Variants in ZNF362 observed in about 807,000 individuals in gnomAD.
The protein encoded by ZNF362 is rotund homolog.
ZNF362 carries 11 observed loss-of-function variants against 42.9 expected under a neutral mutation model. That is an observed-to-expected ratio of 0.26 (90% CI 0.16 to 0.42). The LOEUF is 0.42. ZNF362 is among the 20% of genes least tolerant of loss of function. The pLI, the probability that ZNF362 is intolerant of heterozygous loss-of-function variation, is 1.00. For missense variants in ZNF362, 362 were observed against 576.2 expected, an observed-to-expected ratio of 0.63 and a Z score of 3.81; for synonymous variants, 255 against 257.3, an observed-to-expected ratio of 0.99 and a Z score of 0.09.
At chr1:33,221,099 G>T in the ZNF362 span, among the ~76,000 whole-genome samples, 17 of 152,158 alleles carry the variant, frequency 1.1e-4, no homozygotes, top group African/African-American at 3.1e-4. Context: ...GGGGGGCGGG[G>T]TGCCGACCAT....
the ZNF362 span, among the ~76,000 whole-genome samples, chr1:33,138,589 G>T: frequency 1.3e-5 from 2 of 148,954 alleles, no homozygotes; most frequent in Non-Finnish European, 3.0e-5. Context: ...TCCAGTCTGG[G>T]TGACAGAGCG....
chr1:33,181,000 TC>T, the ZNF362 span: 2 of 957,784 alleles, frequency 2.1e-6, no homozygotes, highest in Admixed American at 2.7e-5. Context: ...CCCCGCCCCT[TC>T]CCCAGGCAGG....
the ZNF362 span, among the ~76,000 whole-genome samples, chr1:33,173,190 A>G: frequency 7.9e-5 from 12 of 151,828 alleles, no homozygotes; most frequent in African/African-American, 2.9e-4. Flanking sequence ...TTGAGCCCCA[A>G]CCCTCCCTGT....
intron 1 of ZNF362, among the ~76,000 whole-genome samples, chr1:33,257,498 T>G (rs1319510073): frequency 6.6e-6 from 1 of 150,674 alleles, no homozygotes; most frequent in Non-Finnish European, 1.5e-5. Flanking sequence ...CCCAGCCAGC[T>G]GCCTTTGCAG....
chr1:33,135,660 C>T, the ZNF362 span, among the ~76,000 whole-genome samples: 1 of 152,184 alleles, frequency 6.6e-6, no homozygotes, highest in East Asian at 1.9e-4. Context: ...GACAACTTTG[C>T]CCAGCACTTA....
At chr1:33,131,647 TTAAA>T in the ZNF362 span, among the ~76,000 whole-genome samples, 1 of 152,050 alleles carries the variant, frequency 6.6e-6, no homozygotes, top group Admixed American at 6.5e-5. Flanking sequence ...TTAAAATATA[TTAAA>T]TTAATTTCAC....
chr1:33,165,148 C>T, the ZNF362 span: 5,635 of 231,802 alleles, frequency 0.024, 110 homozygotes, highest in Middle Eastern at 0.037. This position sits in a 1 kb window ranked among gnomAD's most constrained non-coding sequence, Gnocchi z 4.0. Flanking sequence ...CCCAGCCCTT[C>T]AGGAGGCAGG....
intron 6 of ZNF362, among the ~76,000 whole-genome samples, chr1:33,285,721 AACTTT>A (rs1352742228): frequency 6.6e-6 from 1 of 152,150 alleles, no homozygotes; most frequent in Non-Finnish European, 1.5e-5. Context: ...TTACGCTACA[AACTTT>A]GTAGGGCAGC....
the ZNF362 span, among the ~76,000 whole-genome samples, chr1:33,153,565 A>G: frequency 6.6e-6 from 1 of 152,176 alleles, no homozygotes; most frequent in Non-Finnish European, 1.5e-5. Context: ...GCAACAAGGA[A>G]TGGTCCAGCC....
rs751487753 is a variant in ZNF362, at chr1:33,270,627, A to T, written c.38+15A>T. The T allele has an allele frequency of 2.5e-6, 4 of 1,612,496 alleles. No individual in the cohort carries two copies. The African/African-American group carries it at 4.0e-5, about 16-fold the overall frequency. ...GGACACTCTAGGTAAGGAGCCTGTG[A>T]TTCCAGGTTGCACTCTGTCAATGAG... On this transcript the variant is annotated intron_variant, in intron 2 of 8. Transcript: ENST00000539719.
At chr1:33,249,074 TAA>T in the ZNF362 span, among the ~76,000 whole-genome samples, 1 of 152,188 alleles carries the variant, frequency 6.6e-6, no homozygotes, top group Non-Finnish European at 1.5e-5. Flanking sequence ...ACAGCTGAGA[TAA>T]GTCTGTAAAA....
the ZNF362 span, among the ~76,000 whole-genome samples, chr1:33,158,686 G>A: frequency 6.6e-6 from 1 of 152,186 alleles, no homozygotes; most frequent in African/African-American, 2.4e-5. Context: ...TTAGCAATCA[G>A]TATTGATCAC....
At chr1:33,131,479 T>C in the ZNF362 span, among the ~76,000 whole-genome samples, 1 of 152,210 alleles carries the variant, frequency 6.6e-6, no homozygotes, top group Admixed American at 6.5e-5. Flanking sequence ...CCAGTCCAAA[T>C]TGAATGTGTT....
At chr1:33,206,248 T>G in the ZNF362 span, among the ~76,000 whole-genome samples, 1 of 152,002 alleles carries the variant, frequency 6.6e-6, no homozygotes, top group African/African-American at 2.4e-5. Flanking sequence ...TGATTTTAGA[T>G]CTTTCCTGCT....
the ZNF362 span, among the ~76,000 whole-genome samples, chr1:33,198,535 T>G: frequency 6.6e-6 from 1 of 152,014 alleles, no homozygotes; most frequent in Non-Finnish European, 1.5e-5. Flanking sequence ...AGTATGGTGA[T>G]GCACGCCTCT....
chr1:33,295,440 A>T, intron 8 of ZNF362, 135 bp downstream of exon 8: 1 of 1,165,496 alleles, frequency 8.6e-7, no homozygotes, highest in Admixed American at 2.6e-5. Context: ...AAGGGAAGTG[A>T]CACCCTGAGA....
the ZNF362 span, among the ~76,000 whole-genome samples, chr1:33,189,049 CT>C: frequency 1.3e-5 from 2 of 152,212 alleles, no homozygotes; most frequent in East Asian, 3.9e-4. Flanking sequence ...CAGGCCACGA[CT>C]CTTTCTGCAC....
At chr1:33,276,285 C>G (rs1232620061) in intron 3 of ZNF362, 63 bp from the exon 4 acceptor site, 8 of 1,546,778 alleles carry the variant, frequency 5.2e-6, no homozygotes, top group Non-Finnish European at 7.0e-6. Flanking sequence ...GGTGGACCAG[C>G]GGGCCTGGGC....
chr1:33,281,746 G>A lies in ZNF362; in HGVS notation c.843G>A (p.Lys281=). Residue 281 remains lysine, a synonymous_variant, in exon 6 of 9, where the codon AAG becomes AAA. Coordinates refer to ENST00000539719, the MANE Select transcript of ZNF362 (RefSeq NM_152493.3). The surrounding 1 kb of genome is among the most constrained non-coding windows in gnomAD (Gnocchi z 4.8). The stretch of plus-strand genomic sequence containing the variant: ...ACCTGCGCATCCACCTGGGCGTCAA[G>A]CCCTACCACTGCTCCTACTGTGATA... ...AQHLRIHLGV[K]PYHCSYCDKS... is the part of the protein sequence containing the mutation. The A allele has an allele frequency of 6.2e-7, 1 of 1,614,256 alleles. No individual in the cohort carries two copies. Among genetic ancestry groups the A allele is most frequent in the East Asian group, 2.2e-5 (1 of 44,886 alleles).
Sources: allele counts gnomAD v4.1 joint callset (sites outside exome capture counted in the v4.1 genomes callset), GRCh38; gene constraint gnomAD v4.1.1; non-coding constraint Gnocchi (gnomAD v3.1); transcripts MANE v1.5; gene names NCBI Gene and HGNC (gene_info 2026-07-23, HGNC 2026-07-21).